Variants in GSN observed in about 807,000 individuals in gnomAD.
GSN encodes the protein gelsolin.
GSN carries 56 observed loss-of-function variants against 85.7 expected under a neutral mutation model. The ratio of observed to expected loss-of-function variants is 0.65; its 90% CI spans 0.53 to 0.82. The LOEUF (loss-of-function observed/expected upper bound fraction) is 0.82. Ranked by LOEUF, GSN falls within the 40% of genes least tolerant of loss-of-function variation. The pLI is 0.00. For missense variants in GSN, 857 were observed against 979.8 expected (o/e 0.87, Z 1.67); for synonymous variants, 373 against 399.1 (o/e 0.93, Z 0.78).
At chr9:121,212,107 C>T (rs1418201067) in intron 4 of GSN, among the ~76,000 whole-genome samples, 2 of 151,980 alleles carry the variant, frequency 1.3e-5, no homozygotes, top group Non-Finnish European at 2.9e-5. Context: ...TTATATGGGC[C>T]GATGGGGAAG....
At chr9:121,294,482 G>T (rs1011258698) in intron 2 of GSN, among the ~76,000 whole-genome samples, 3 of 152,202 alleles carry the variant, frequency 2.0e-5, no homozygotes, top group Non-Finnish European at 4.4e-5. Flanking sequence ...GGGTCAGGAA[G>T]TAGCAGGGCC....
rs377247829 is a variant in GSN, at chr9:121,318,733, A to G, written c.1044A>G (p.Pro348=). The change falls in exon 10 of 18, where the codon CCA becomes CCG. Residue 348 remains proline (P), a synonymous_variant. Coordinates refer to ENST00000432226, the MANE Select transcript of GSN (RefSeq NM_198252.3). This position sits in a 1 kb window ranked among gnomAD's most constrained non-coding sequence, Gnocchi z 4.3. ...FKQFFKNWRD[P]DQTDGLGLSY... ...AGTTCTTCAAGAACTGGCGGGACCC[A>G]GACCAGACAGATGGCCTGGGCTTGT... 1.2e-6 allele frequency: 2 copies of G among 1,614,004 alleles called. No individual in the cohort carries two copies. The highest frequency in any genetic ancestry group is 1.7e-6 in the Non-Finnish European group (2 of 1,179,914).
chr9:121,279,625 A>T (rs2057101395), intron 1 of GSN, among the ~76,000 whole-genome samples: 2 of 151,906 alleles, frequency 1.3e-5, no homozygotes, highest in Admixed American at 6.6e-5. Context: ...CACCGGGTGG[A>T]TGGTGGATGG....
intron 6 of GSN, among the ~76,000 whole-genome samples, chr9:121,257,844 C>T (rs1479142161): frequency 1.3e-5 from 2 of 152,066 alleles, no homozygotes; most frequent in Non-Finnish European, 2.9e-5. Flanking sequence ...GCACTCCAGC[C>T]TGGGTAACAG....
chr9:121,263,247 G>A (rs1220962511), upstream of GSN, among the ~76,000 whole-genome samples: 2 of 152,128 alleles, frequency 1.3e-5, no homozygotes, highest in Non-Finnish European at 2.9e-5. Flanking sequence ...CACTGAGTGT[G>A]GAGTTGCGAG....
chr9:121,251,173 A>C (rs2054823602), intron 6 of GSN, among the ~76,000 whole-genome samples: 1 of 74,730 alleles, frequency 1.3e-5, no homozygotes, highest in African/African-American at 6.9e-5. Context: ...TAACATACCT[A>C]CAGCTGATGT....
chr9:121,225,517 A>G (rs996979214), intron 4 of GSN, among the ~76,000 whole-genome samples: 3 of 152,230 alleles, frequency 2.0e-5, no homozygotes, highest in African/African-American at 7.2e-5. Context: ...TCTGCAGCCA[A>G]AATCTGTCTG....
chr9:121,298,080 G>A (rs1449966272), intron 2 of GSN, among the ~76,000 whole-genome samples: 1 of 152,066 alleles, frequency 6.6e-6, no homozygotes, highest in East Asian at 1.9e-4. Context: ...GGAGCCCGGA[G>A]AACTCAGGTA....
At chr9:121,269,445 G>A (rs1304724180) in intron 1 of GSN, among the ~76,000 whole-genome samples, 1 of 152,158 alleles carries the variant, frequency 6.6e-6, no homozygotes, top group Non-Finnish European at 1.5e-5. Context: ...CGGACTCCTT[G>A]CTGGGAGGGA....
chr9:121,319,514 G>C (rs1372728214), intron 10 of GSN, among the ~76,000 whole-genome samples: 1 of 151,118 alleles, frequency 6.6e-6, no homozygotes, highest in South Asian at 2.1e-4. Flanking sequence ...ATAGAGACAG[G>C]GTCTCGCTAT....
intron 4 of GSN, among the ~76,000 whole-genome samples, chr9:121,217,051 G>A (rs2054076976): frequency 6.6e-6 from 1 of 152,120 alleles, no homozygotes; most frequent in Admixed American, 6.5e-5. Context: ...CTAACTTAAG[G>A]AGATTTCTTT....
intron 5 of GSN, among the ~76,000 whole-genome samples, chr9:121,238,382 C>G (rs1290476823): frequency 6.6e-6 from 1 of 152,162 alleles, no homozygotes; most frequent in Non-Finnish European, 1.5e-5. Context: ...AGTCTTCCAG[C>G]CTGCATTTTT....
At chr9:121,203,367 A>C (rs1452794332), upstream of GSN, 2 of 151,786 alleles carry the variant, frequency 1.3e-5, no homozygotes, top group Non-Finnish European at 2.9e-5. Flanking sequence ...CGTGCTGATC[A>C]GTAATGGGAT....
intron 4 of GSN, among the ~76,000 whole-genome samples, chr9:121,214,133 T>C (rs539954081): frequency 6.6e-6 from 1 of 152,358 alleles, no homozygotes; most frequent in Non-Finnish European, 1.5e-5. Context: ...CTCAGGCACC[T>C]AGAAGGCATT....
At chr9:121,279,469 A>T (rs1395329139) in intron 1 of GSN, among the ~76,000 whole-genome samples, 1 of 151,942 alleles carries the variant, frequency 6.6e-6, no homozygotes, top group Non-Finnish European at 1.5e-5. Flanking sequence ...AGATGTTGGC[A>T]TTGGGGTGGG....
At chr9:121,249,331 G>C (rs2054768402) in intron 6 of GSN, among the ~76,000 whole-genome samples, 1 of 151,976 alleles carries the variant, frequency 6.6e-6, no homozygotes, top group Non-Finnish European at 1.5e-5. Context: ...CAAAAATTTA[G>C]CCAGGCATGG....
intron 12 of GSN, 85 bp from the exon 13 acceptor site, chr9:121,326,427 G>A (rs1030142600): frequency 1.9e-4 from 209 of 1,099,810 alleles, no homozygotes; most frequent in East Asian, 1.4e-3. Flanking sequence ...TGATGGCTTC[G>A]TCTGGAGGGA....
Position 121,332,484 on chromosome 9 carries a change from A to G in GSN, c.2077A>G (p.Ile693Val), listed in dbSNP as rs1334747086. ...DPANRDRRTP[I>V]TVVKQGFEPP... ...AGCCAATCGGGATCGGCGGACGCCC[A>G]TCACCGTGGTGAAGCAAGGCTTTGA... Residue 693 changes from isoleucine (I) to valine (V), a missense_variant, in exon 18 of 18, where the codon ATC (isoleucine) becomes GTC (valine). Physicochemically the swap from Ile to Val is conservative, Grantham distance 29. Transcript: ENST00000432226. The surrounding 1 kb of genome is among the most constrained non-coding windows in gnomAD (Gnocchi z 4.8). 9 of 1,613,938 alleles carry G rather than the reference A, an allele frequency of 5.6e-6. No individual in the cohort carries two copies. Among genetic ancestry groups the G allele is most frequent in the African/African-American group, 1.3e-5 (1 of 74,906 alleles).
At chr9:121,321,915 G>A (rs974739847) in intron 11 of GSN, among the ~76,000 whole-genome samples, 4 of 151,964 alleles carry the variant, frequency 2.6e-5, no homozygotes, top group Admixed American at 6.6e-5. Context: ...CTAATTTTTT[G>A]TATTTTTAGT....
Sources: allele counts gnomAD v4.1 joint callset (sites outside exome capture counted in the v4.1 genomes callset), GRCh38; gene constraint gnomAD v4.1.1; non-coding constraint Gnocchi (gnomAD v3.1); transcripts MANE v1.5; gene names NCBI Gene and HGNC (gene_info 2026-07-23, HGNC 2026-07-21).